Variants in ENTPD5 observed in about 807,000 individuals in gnomAD.
ENTPD5 encodes nucleoside diphosphate phosphatase ENTPD5.
In ENTPD5, 49 loss-of-function variants were observed where a neutral mutation model predicts 60.2. The ratio of observed to expected loss-of-function variants is 0.81; its 90% CI spans 0.65 to 1.03. ENTPD5 has a LOEUF of 1.03. Among genes scored for constraint, ENTPD5 ranks in the 50% least tolerant of loss-of-function variants. ENTPD5 has a pLI of 0.00. For synonymous variants in ENTPD5, 187 were observed against 185.4 expected, an observed-to-expected ratio of 1.01 and a Z score of -0.07; for missense variants, 480 against 507.6, an observed-to-expected ratio of 0.95 and a Z score of 0.52.
downstream of ENTPD5, chr14:73,960,545 A>C: frequency 2.0e-6 from 2 of 1,006,040 alleles, no homozygotes; most frequent in Non-Finnish European, 2.4e-6. Context: ...ACTCTGGGCC[A>C]TTTAGTATAT....
chr14:74,019,078 T>C (rs61475846), intron 1 of ENTPD5, 172 bp downstream of exon 1: 13,957 of 152,348 alleles, frequency 0.092, 801 homozygotes, highest in South Asian at 0.26. Context: ...GACGGGCGGA[T>C]CAGCGGGGAT....
downstream of ENTPD5, chr14:73,958,934 A>C: frequency 6.2e-7 from 1 of 1,612,336 alleles, no homozygotes; most frequent in Non-Finnish European, 8.5e-7. Flanking sequence ...GTTTATGAAG[A>C]GGCTGGAAGA....
chr14:73,959,210 A>G (rs951290557), downstream of ENTPD5: 3 of 1,614,080 alleles, frequency 1.9e-6, no homozygotes, highest in Middle Eastern at 1.6e-4. Flanking sequence ...CTCTGGGCCT[A>G]TTGCTCTGCT....
Position 73,986,796 on chromosome 14 carries a change from A to G in ENTPD5, c.297+18T>C. On this transcript the variant is annotated intron_variant, in intron 5 of 15. Coordinates refer to ENST00000334696, the MANE Select transcript of ENTPD5 (RefSeq NM_001249.5). ...TCAAGGCATTGAGAATCTAAACATC[A>G]AATCATAAGAAACTCACCTGCTTAG... The G allele has an allele frequency of 6.3e-7, 1 of 1,596,628 alleles. No homozygotes were observed. The highest frequency in any genetic ancestry group is 8.6e-7 in the Non-Finnish European group (1 of 1,164,676).
intron 6 of ENTPD5, among the ~76,000 whole-genome samples, chr14:73,982,579 AC>A (rs1314790933): frequency 6.6e-6 from 1 of 150,794 alleles, no homozygotes; most frequent in African/African-American, 2.4e-5. Flanking sequence ...ACGCAGTGAA[AC>A]CCCGTCTCTA....
At chr14:74,014,472 C>G (rs1178990537) in intron 2 of ENTPD5, among the ~76,000 whole-genome samples, 2 of 151,826 alleles carry the variant, frequency 1.3e-5, no homozygotes, top group Non-Finnish European at 2.9e-5. Flanking sequence ...AATTGCTTGA[C>G]CCCAGAAGGT....
downstream of ENTPD5, chr14:73,959,729 C>T: frequency 8.6e-7 from 1 of 1,157,442 alleles, no homozygotes; most frequent in Non-Finnish European, 1.2e-6. Context: ...GCCACCATGC[C>T]CAGCTAATTT....
intron 2 of ENTPD5, 34 bp downstream of exon 2, chr14:74,015,790 T>C (rs1198098714): frequency 6.6e-6 from 1 of 152,168 alleles, no homozygotes; most frequent in Non-Finnish European, 1.5e-5. Flanking sequence ...ACATTTGAAA[T>C]ACATTTATAA....
At chr14:74,013,406 C>T (rs1295672955) in intron 2 of ENTPD5, among the ~76,000 whole-genome samples, 3 of 152,162 alleles carry the variant, frequency 2.0e-5, no homozygotes, top group African/African-American at 4.8e-5. Context: ...AACCCACAGC[C>T]CATGGGCCGC....
chr14:73,989,915 G>C (rs1012980965), intron 3 of ENTPD5, among the ~76,000 whole-genome samples: 1 of 151,782 alleles, frequency 6.6e-6, no homozygotes, highest in South Asian at 2.1e-4. Flanking sequence ...GCTGAGGCAG[G>C]AGAACCACTT....
chr14:73,986,067 G>A (rs1264062267), intron 5 of ENTPD5, among the ~76,000 whole-genome samples: 15 of 120,500 alleles, frequency 1.2e-4, no homozygotes, highest in Non-Finnish European at 2.0e-4. Flanking sequence ...GTGATACTCC[G>A]TCAAAAAAAA....
intron 2 of ENTPD5, among the ~76,000 whole-genome samples, chr14:74,015,000 T>C (rs577195973): frequency 1.3e-5 from 2 of 151,408 alleles, no homozygotes; most frequent in African/African-American, 4.9e-5. Flanking sequence ...GAGAATTGCT[T>C]GAACCTGGGA....
At chr14:73,961,394 AG>A (rs780972938), downstream of ENTPD5, 22 of 1,614,050 alleles carry the variant, frequency 1.4e-5, no homozygotes, top group South Asian at 2.2e-4. Context: ...ATAACAGAGC[AG>A]GGCCACTCCC....
At chr14:73,993,541 G>A (rs2058222528) in intron 3 of ENTPD5, among the ~76,000 whole-genome samples, 1 of 152,182 alleles carries the variant, frequency 6.6e-6, no homozygotes, top group Non-Finnish European at 1.5e-5. Context: ...ATCAACCACT[G>A]ATACAGGATA....
At position 73,987,292 on chromosome 14, in the gene ENTPD5, C is replaced by G. The variant is rs2140633660; in HGVS notation, c.218-399G>C. On this transcript the variant is annotated intron_variant, in intron 4 of 15. Coordinates refer to ENST00000334696, the MANE Select transcript of ENTPD5 (RefSeq NM_001249.5). ...AATATTATGGATCCCTGGAGTATCC[C>G]ATGTTTAAAGAGGAAGAACAAATTA... 6.5e-6 allele frequency: 4 copies of G among 615,028 alleles called. No homozygotes were observed. The South Asian group carries it at 7.8e-5, about 12-fold the overall frequency. The allele number at this position is 615,028 out of a possible 1,614,324, so 38.1% of individuals were successfully genotyped here.
rs550691047 is a variant in ENTPD5 at position 73,984,451 on chromosome 14, A to G, written c.298-1290T>C. 1.7e-4 allele frequency among the ~76,000 whole-genome samples: 26 copies of G among 152,348 alleles called. No homozygotes were observed. The South Asian group carries it at 5.2e-3, about 30-fold the overall frequency. ...GATGCCATACTTTTGATGATCTCCT[A>G]AAGAACATGTCAGGCTTATTCCTGT... On this transcript the variant is annotated intron_variant, in intron 5 of 15. Coordinates refer to ENST00000334696, the MANE Select transcript of ENTPD5 (RefSeq NM_001249.5).
intron 2 of ENTPD5, among the ~76,000 whole-genome samples, chr14:74,013,308 A>G (rs1044389337): frequency 1.3e-5 from 2 of 152,130 alleles, no homozygotes; most frequent in African/African-American, 2.4e-5. Flanking sequence ...CTTTCAGTCC[A>G]TCTCCTTCTA....
chr14:74,007,682 A>G (rs1306106824), intron 3 of ENTPD5: 2 of 151,978 alleles, frequency 1.3e-5, no homozygotes, highest in East Asian at 3.9e-4. Flanking sequence ...TGAGCTGAGC[A>G]TGGTGACACA....
chr14:74,016,274 C>T (rs141540172), intron 1 of ENTPD5, among the ~76,000 whole-genome samples: 23 of 152,256 alleles, frequency 1.5e-4, no homozygotes, highest in African/African-American at 5.5e-4. Flanking sequence ...TTTCCCTGAG[C>T]CATATTCATG....
Sources: gnomAD v4.1 joint callset for allele counts (sites outside exome capture counted in the v4.1 genomes callset) on GRCh38, gnomAD v4.1.1 for gene constraint, MANE v1.5 for transcripts, NCBI Gene and HGNC (gene_info 2026-07-23, HGNC 2026-07-21) for gene names.